ZFHX3: variants seen among roughly 807,000 people sequenced by gnomAD.
ZFHX3 encodes the protein zinc finger homeobox 3, also known as zinc finger homeobox protein 3.
A neutral mutation model predicts 279.1 loss-of-function variants in ZFHX3; 42 were observed. The ratio of observed to expected loss-of-function variants is 0.15; its 90% CI spans 0.12 to 0.19. The LOEUF (loss-of-function observed/expected upper bound fraction) is 0.19, where lower values mean the gene tolerates loss of function less well. ZFHX3 is among the 10% of genes least tolerant of loss of function. The probability of loss-of-function intolerance (pLI) is 1.00; values close to 1 mark genes in which losing one functional copy is unlikely to be tolerated. For synonymous variants in ZFHX3, 2,293 were observed against 1,957.8 expected, an observed-to-expected ratio of 1.17 and a Z score of -4.52; for missense variants, 4,981 against 4,754.0, an observed-to-expected ratio of 1.05 and a Z score of -1.40.
intron 7 of ZFHX3, among the ~76,000 whole-genome samples, chr16:72,810,833 G>A (rs1464386400): frequency 6.6e-6 from 1 of 152,054 alleles, no homozygotes; most frequent in Non-Finnish European, 1.5e-5. Flanking sequence ...ACATCTTTGA[G>A]CCTCAGTTTC....
At chr16:73,437,911 T>C (rs1268857054) in intron 3 of ZFHX3, among the ~76,000 whole-genome samples, 1 of 152,208 alleles carries the variant, frequency 6.6e-6, no homozygotes, top group Admixed American at 6.5e-5. Flanking sequence ...TTCTGTAGTC[T>C]TTCTTATCAT....
intron 2 of ZFHX3, among the ~76,000 whole-genome samples, chr16:73,677,953 T>G (rs921926366): frequency 2.6e-5 from 4 of 152,170 alleles, no homozygotes; most frequent in Admixed American, 2.6e-4. Context: ...ATGGAATGAC[T>G]CAATATTACA....
chr16:73,153,823 T>G (rs1967009251), intron 5 of ZFHX3, among the ~76,000 whole-genome samples: 1 of 152,006 alleles, frequency 6.6e-6, no homozygotes, highest in South Asian at 2.1e-4. Flanking sequence ...CTAATTTTTG[T>G]ATTTTTAGTA....
chr16:73,673,714 T>G (rs1193330598), intron 2 of ZFHX3, among the ~76,000 whole-genome samples: 2 of 152,106 alleles, frequency 1.3e-5, no homozygotes, highest in African/African-American at 2.4e-5. Context: ...GCCTCAAAAT[T>G]GAAGTGCTGA....
chr16:73,137,927 G>A (rs1966820011), intron 6 of ZFHX3, among the ~76,000 whole-genome samples: 1 of 152,062 alleles, frequency 6.6e-6, no homozygotes, highest in Admixed American at 6.6e-5. Flanking sequence ...CAGTTCTTTA[G>A]TTGATCTTGC....
chr16:73,538,240 G>T (rs1486823463), intron 2 of ZFHX3, among the ~76,000 whole-genome samples: 1 of 152,064 alleles, frequency 6.6e-6, no homozygotes, highest in African/African-American at 2.4e-5. Context: ...AAATGGAAAA[G>T]ACTTCATGTC....
intron 2 of ZFHX3, among the ~76,000 whole-genome samples, chr16:73,605,106 A>C (rs1355561314): frequency 6.6e-6 from 1 of 152,138 alleles, no homozygotes; most frequent in Non-Finnish European, 1.5e-5. Context: ...CTAAAAAAGG[A>C]ATGATTTAGG....
At chr16:72,983,883 C>T (rs1255033820) in intron 1 of ZFHX3, among the ~76,000 whole-genome samples, 1 of 152,178 alleles carries the variant, frequency 6.6e-6, no homozygotes, top group African/African-American at 2.4e-5. Context: ...GCTCAGTAAG[C>T]CTGTGGTCTG....
chr16:73,281,711 G>T (rs1206294247), intron 4 of ZFHX3, among the ~76,000 whole-genome samples: 1 of 151,642 alleles, frequency 6.6e-6, no homozygotes, highest in East Asian at 1.9e-4. Flanking sequence ...GGTGGTGAGG[G>T]TTTCATGGAT....
intron 5 of ZFHX3, among the ~76,000 whole-genome samples, chr16:73,235,843 G>A (rs191368116): frequency 0.011 from 1,605 of 152,104 alleles, 26 homozygotes; most frequent in Admixed American, 0.035. Context: ...GCAAAGTTTC[G>A]TATTTTTTGA....
At chr16:73,156,035 A>T (rs1967072876) in intron 5 of ZFHX3, among the ~76,000 whole-genome samples, 1 of 152,030 alleles carries the variant, frequency 6.6e-6, no homozygotes, top group African/African-American at 2.4e-5. Flanking sequence ...GATCGAGATC[A>T]TCCTGGCTAA....
At chr16:73,076,167 G>T (rs1332774765) in intron 8 of ZFHX3, among the ~76,000 whole-genome samples, 1 of 152,166 alleles carries the variant, frequency 6.6e-6, no homozygotes, top group East Asian at 1.9e-4. Flanking sequence ...ACATGGAGGG[G>T]GGTCAATCCA....
At chr16:72,863,505 C>CAG (rs369872583) in intron 4 of ZFHX3, among the ~76,000 whole-genome samples, 14 of 148,350 alleles carry the variant, frequency 9.4e-5, no homozygotes, top group South Asian at 2.1e-4. Flanking sequence ...GTGACAGAGA[C>CAG]AGAGAGAGAG....
intron 3 of ZFHX3, among the ~76,000 whole-genome samples, chr16:73,357,789 T>G (rs2016369185): frequency 6.6e-6 from 1 of 152,146 alleles, no homozygotes; most frequent in Non-Finnish European, 1.5e-5. Flanking sequence ...TCTGTCAGAC[T>G]CCTCACATTC....
At chr16:72,903,363 G>T (rs893651487) in intron 3 of ZFHX3, among the ~76,000 whole-genome samples, 16 of 152,306 alleles carry the variant, frequency 1.1e-4, no homozygotes, top group Non-Finnish European at 4.4e-5. Context: ...TAGGGATGGG[G>T]CCAGGAATGT....
At chr16:73,788,356 G>A (rs1959723519) in intron 1 of ZFHX3, among the ~76,000 whole-genome samples, 1 of 152,188 alleles carries the variant, frequency 6.6e-6, no homozygotes, top group African/African-American at 2.4e-5. Flanking sequence ...ATAGTAGAGA[G>A]GGCAAAACAC....
intron 3 of ZFHX3, among the ~76,000 whole-genome samples, chr16:72,950,098 A>G (rs1960907547): frequency 6.6e-6 from 1 of 150,726 alleles, no homozygotes; most frequent in African/African-American, 2.4e-5. Flanking sequence ...AAAAAAAAGG[A>G]ATAAAGAGAT....
intron 3 of ZFHX3, among the ~76,000 whole-genome samples, chr16:72,897,600 C>T (rs1035219455): frequency 6.6e-6 from 1 of 152,020 alleles, no homozygotes; most frequent in African/African-American, 2.4e-5. Context: ...GCCATCATGC[C>T]TGGCTAATTT....
chr16:73,589,633 G>A (rs1284148855), intron 2 of ZFHX3, among the ~76,000 whole-genome samples: 1 of 148,502 alleles, frequency 6.7e-6, no homozygotes, highest in Non-Finnish European at 1.5e-5. Context: ...AGGAGGCTGA[G>A]GCAGGAGAAT....
Sources: allele counts gnomAD v4.1 joint callset (sites outside exome capture counted in the v4.1 genomes callset), GRCh38; gene constraint gnomAD v4.1.1; transcripts MANE v1.5; gene names NCBI Gene and HGNC (gene_info 2026-07-23, HGNC 2026-07-21).